Variants in RELN observed in about 807,000 individuals in gnomAD.
RELN encodes the protein reelin.
RELN carries 108 observed loss-of-function variants against 427.6 expected under a neutral mutation model. The ratio of observed to expected loss-of-function variants is 0.25; its 90% CI spans 0.22 to 0.30. RELN has a LOEUF of 0.30. RELN is among the 10% of genes least tolerant of loss of function. The pLI is 1.00. For synonymous variants in RELN, 1,524 were observed against 1,513.4 expected (o/e 1.01, Z -0.16); for missense variants, 3,715 against 4,302.8 (o/e 0.86, Z 3.82).
At chr7:103,930,544 C>T (rs1220483913) in intron 1 of RELN, among the ~76,000 whole-genome samples, 1 of 152,012 alleles carries the variant, frequency 6.6e-6, no homozygotes, top group Non-Finnish European at 1.5e-5. Context: ...AGGATCATCA[C>T]AGCCTCAAAC....
At chr7:103,490,040 G>T in intron 59 of RELN, 141 bp from the exon 60 acceptor site, 1 of 941,002 alleles carries the variant, frequency 1.1e-6, no homozygotes. Context: ...TGCTGGCAGA[G>T]GTGAGAGAAC....
At chr7:103,662,294 T>C (rs775177924) in intron 11 of RELN, among the ~76,000 whole-genome samples, 1 of 152,184 alleles carries the variant, frequency 6.6e-6, no homozygotes, top group Non-Finnish European at 1.5e-5. Context: ...AGTTGCATAA[T>C]GTGTTGACGA....
intron 25 of RELN, among the ~76,000 whole-genome samples, chr7:103,595,768 CT>C (rs978878692): frequency 3.3e-5 from 5 of 151,700 alleles, no homozygotes; most frequent in Non-Finnish European, 5.9e-5. Flanking sequence ...ATTGAATAGA[CT>C]TTAATAATAC....
intron 3 of RELN, among the ~76,000 whole-genome samples, chr7:103,817,272 T>A (rs1584264637): frequency 6.6e-6 from 1 of 152,306 alleles, no homozygotes; most frequent in South Asian, 2.1e-4. Flanking sequence ...TCTAGAACAG[T>A]TTTGTGTCCC....
chr7:103,550,869 C>T (rs362786), intron 41 of RELN, among the ~76,000 whole-genome samples, 198 bp downstream of exon 41: 4,396 of 152,224 alleles, frequency 0.029, 159 homozygotes, highest in East Asian at 0.13. Flanking sequence ...GTGTCCTGTT[C>T]AAATCTACCT....
At chr7:103,797,711 T>C (rs1013051588) in intron 3 of RELN, among the ~76,000 whole-genome samples, 1 of 152,172 alleles carries the variant, frequency 6.6e-6, no homozygotes, top group African/African-American at 2.4e-5. Flanking sequence ...TATTATGAAC[T>C]CATTTATTAC....
intron 2 of RELN, among the ~76,000 whole-genome samples, chr7:103,863,982 C>T (rs1057300374): frequency 6.6e-6 from 1 of 151,992 alleles, no homozygotes; most frequent in African/African-American, 2.4e-5. Context: ...AAAGTTACAC[C>T]CAGCCTGGGG....
chr7:103,948,821 C>T lies in RELN; in HGVS notation c.227-31636G>A, dbSNP rs192553531. Among the ~76,000 whole-genome samples, 388 of 151,962 alleles carry T rather than the reference C, an allele frequency of 2.6e-3. 1 individual carries two copies. Among genetic ancestry groups the T allele is most frequent in the African/African-American group, 8.8e-3 (363 of 41,452 alleles). On this transcript the variant is annotated intron_variant, in intron 1 of 64. Coordinates refer to ENST00000428762, the MANE Select transcript of RELN (RefSeq NM_005045.4). The stretch of plus-strand genomic sequence containing the variant: ...TTAAGCCCAGGAATTTGAGACCAGC[C>T]TGGGCAATGTGGTGAAATCTCATCT...
intron 64 of RELN, among the ~76,000 whole-genome samples, chr7:103,475,500 C>A (rs1828004470): frequency 6.6e-6 from 1 of 152,092 alleles, no homozygotes; most frequent in Non-Finnish European, 1.5e-5. Context: ...GAAAATTATT[C>A]TGTTAAAACA....
At chr7:103,949,150 T>C (rs1336735923) in intron 1 of RELN, among the ~76,000 whole-genome samples, 1 of 151,888 alleles carries the variant, frequency 6.6e-6, no homozygotes, top group Non-Finnish European at 1.5e-5. Flanking sequence ...TTTTAGTTAG[T>C]TTAAAAAGTT....
intron 20 of RELN, among the ~76,000 whole-genome samples, chr7:103,621,197 T>C (rs1439058805): frequency 6.6e-6 from 1 of 152,210 alleles, no homozygotes; most frequent in East Asian, 1.9e-4. Context: ...TTTTTTAACA[T>C]TGCCTTTAAA....
intron 2 of RELN, among the ~76,000 whole-genome samples, chr7:103,849,890 T>C (rs1793778320): frequency 6.6e-6 from 1 of 152,208 alleles, no homozygotes; most frequent in African/African-American, 2.4e-5. Context: ...CTGTCTTCTT[T>C]CTCTCTGTTA....
intron 28 of RELN, among the ~76,000 whole-genome samples, chr7:103,578,968 A>G (rs1408146796): frequency 6.6e-6 from 1 of 152,190 alleles, no homozygotes; most frequent in African/African-American, 2.4e-5. Context: ...TATAGCTAAC[A>G]CCTACTGCTG....
At chr7:103,807,819 T>G (rs938620429) in intron 3 of RELN, among the ~76,000 whole-genome samples, 1 of 152,140 alleles carries the variant, frequency 6.6e-6, no homozygotes, top group Non-Finnish European at 1.5e-5. Flanking sequence ...TACGTAGTAT[T>G]TCATGTGCAT....
At position 103,695,632 on chromosome 7, in the gene RELN, A is replaced by G. The variant is rs60681101; in HGVS notation, c.1143+2221T>C. Reference sequence around the variant, plus strand: ...TTAGTGTAATGGCTTGTAAAATGAAACAGAGGGTACATTTATGCCATAAAG... The same window carrying G: ...TTAGTGTAATGGCTTGTAAAATGAAGCAGAGGGTACATTTATGCCATAAAG... On this transcript the variant is annotated intron_variant, in intron 10 of 64. Coordinates refer to ENST00000428762, the MANE Select transcript of RELN (RefSeq NM_005045.4). 1.2e-3 allele frequency among the ~76,000 whole-genome samples: 185 copies of G among 152,262 alleles called. 1 individual carries two copies. The highest frequency in any genetic ancestry group is 4.3e-3 in the African/African-American group (177 of 41,560).
At chr7:103,496,382 T>C in intron 56 of RELN, 144 bp downstream of exon 56, 1 of 1,146,306 alleles carries the variant, frequency 8.7e-7, no homozygotes, top group South Asian at 1.3e-5. Flanking sequence ...TATAAACCAC[T>C]GGGCAAAATA....
chr7:103,989,085 C>A lies in RELN; in HGVS notation c.226+46G>T, dbSNP rs1487492089. 6.5e-7 allele frequency: 1 copy of A among 1,533,302 alleles called. No individual in the cohort carries two copies. Among genetic ancestry groups the A allele is most frequent in the Non-Finnish European group, 9.0e-7 (1 of 1,113,182 alleles). The allele number at this position is 1,533,302 out of a possible 1,614,324, so 95.0% of individuals were successfully genotyped here. A position where few individuals can be genotyped will look rare whatever the true frequency, so the allele number is the denominator to read the frequency against. On this transcript the variant is annotated intron_variant, in intron 1 of 64. Transcript: ENST00000428762. This position sits in a 1 kb window ranked among gnomAD's most constrained non-coding sequence, Gnocchi z 4.9. Reference sequence around the variant, plus strand: ...GAAAGGGATGAGAAAGGTGCGCTGGCGGGCGCACCCGGCGGCGGCGAGCGC... The same window carrying A: ...GAAAGGGATGAGAAAGGTGCGCTGGAGGGCGCACCCGGCGGCGGCGAGCGC...
intron 55 of RELN, 96 bp from the exon 56 acceptor site, chr7:103,496,864 G>T (rs1350236841): frequency 4.2e-6 from 6 of 1,413,622 alleles, no homozygotes; most frequent in Non-Finnish European, 5.9e-6. Flanking sequence ...ACTTCCCAAA[G>T]AAATTTTCAG....
intron 60 of RELN, among the ~76,000 whole-genome samples, chr7:103,488,135 T>C (rs141266497): frequency 3.7e-5 from 5 of 136,898 alleles, no homozygotes; most frequent in African/African-American, 1.5e-4. Flanking sequence ...GCAACAAGAG[T>C]GAAAACTCCG....
Sources: allele counts gnomAD v4.1 joint callset (sites outside exome capture counted in the v4.1 genomes callset), GRCh38; gene constraint gnomAD v4.1.1; non-coding constraint Gnocchi (gnomAD v3.1); transcripts MANE v1.5; gene names NCBI Gene and HGNC (gene_info 2026-07-23, HGNC 2026-07-21).